The following DOCK1 variants were observed in gnomAD, a reference collection of about 807,000 sequenced individuals.
DOCK1 encodes dedicator of cytokinesis 1.
In DOCK1, 138 loss-of-function variants were observed where a neutral mutation model predicts 262.7. The observed-to-expected ratio is 0.53, with a 90% CI of 0.46 to 0.61. The LOEUF (loss-of-function observed/expected upper bound fraction) is 0.61, where lower values mean the gene tolerates loss of function less well. Among genes scored for constraint, DOCK1 ranks in the 20% least tolerant of loss-of-function variants. The probability of loss-of-function intolerance (pLI) is 0.00; values close to 1 mark genes in which losing one functional copy is unlikely to be tolerated. For synonymous variants in DOCK1, 866 were observed against 867.4 expected (o/e 1.00, Z 0.03); for missense variants, 1,908 against 2,370.7 (o/e 0.80, Z 4.05).
At chr10:127,306,014 G>GT (rs534023263) in intron 29 of DOCK1, among the ~76,000 whole-genome samples, 1,774 of 131,566 alleles carry the variant, frequency 0.013, 17 homozygotes, top group South Asian at 0.053. Flanking sequence ...TTTTTTCCTG[G>GT]TTTTTTTTTT....
chr10:127,077,563 G>T (rs1263436156), intron 23 of DOCK1, among the ~76,000 whole-genome samples: 2 of 152,140 alleles, frequency 1.3e-5, no homozygotes, highest in Non-Finnish European at 2.9e-5. Context: ...GATGGCATGG[G>T]TGGGTGGGAT....
At chr10:127,126,041 T>C (rs2049932944) in intron 26 of DOCK1, among the ~76,000 whole-genome samples, 1 of 151,748 alleles carries the variant, frequency 6.6e-6, no homozygotes, top group Admixed American at 6.6e-5. Context: ...CCTCAGGCTC[T>C]CTTCCCCTAG....
At chr10:127,402,004 T>C (rs1419551638) in intron 38 of DOCK1, among the ~76,000 whole-genome samples, 1 of 152,196 alleles carries the variant, frequency 6.6e-6, no homozygotes, top group Non-Finnish European at 1.5e-5. Context: ...GGACTGGCGC[T>C]ACCGTCTTGT....
chr10:126,999,524 A>C, intron 9 of DOCK1, 89 bp downstream of exon 9: 1 of 1,081,026 alleles, frequency 9.3e-7, no homozygotes, highest in East Asian at 2.4e-5. Flanking sequence ...GCGACACTAG[A>C]ACATGGGTCC....
At chr10:127,271,892 G>A (rs1197279097) in intron 29 of DOCK1, 1 of 150,226 alleles carries the variant, frequency 6.7e-6, no homozygotes, top group Non-Finnish European at 1.5e-5. Context: ...TAAATATGCA[G>A]TGAACAAATA....
intron 35 of DOCK1, among the ~76,000 whole-genome samples, chr10:127,377,716 A>AC (rs1168094400): frequency 2.0e-5 from 3 of 151,968 alleles, no homozygotes; most frequent in South Asian, 4.2e-4. Flanking sequence ...ACATGGTAAA[A>AC]CCCCATCTCT....
At position 127,199,323 on chromosome 10, in the gene DOCK1, C is replaced by G. The variant is rs145682587; in HGVS notation, c.2848-48685C>G. On this transcript the variant is annotated intron_variant, in intron 27 of 51. Coordinates refer to ENST00000623213, the MANE Select transcript of DOCK1 (RefSeq NM_001290223.2). Reference sequence around the variant, plus strand: ...GTACAGAGAATTGCTGGAATTCCACCCCTATGGTATAGTGAGTTTGAGGTC... The same window carrying G: ...GTACAGAGAATTGCTGGAATTCCACGCCTATGGTATAGTGAGTTTGAGGTC... Among the ~76,000 whole-genome samples the G allele has an allele frequency of 4.6e-5, 7 of 152,138 alleles. No homozygotes were observed. The East Asian group carries it at 1.4e-3, about 29-fold the overall frequency.
intron 47 of DOCK1, among the ~76,000 whole-genome samples, chr10:127,426,909 C>A (rs1282405718): frequency 1.3e-5 from 2 of 152,208 alleles, no homozygotes; most frequent in Non-Finnish European, 2.9e-5. Flanking sequence ...TTACAGCCCA[C>A]TTGAGACTGT....
intron 1 of DOCK1, among the ~76,000 whole-genome samples, chr10:126,961,469 A>G (rs2037212303): frequency 8.2e-6 from 1 of 122,288 alleles, no homozygotes; most frequent in South Asian, 3.1e-4. Flanking sequence ...AGCACCCATT[A>G]AACACTAACT....
At chr10:127,245,830 A>G (rs554423477) in intron 27 of DOCK1, among the ~76,000 whole-genome samples, 8 of 152,214 alleles carry the variant, frequency 5.3e-5, no homozygotes, top group Admixed American at 3.3e-4. Flanking sequence ...ACATTGATAC[A>G]TTGCTTCTGG....
At chr10:127,037,624 A>G (rs1044797452) in intron 18 of DOCK1, 95 bp from the exon 19 acceptor site, 1 of 1,124,314 alleles carries the variant, frequency 8.9e-7, no homozygotes, top group Non-Finnish European at 1.3e-6. Flanking sequence ...CTCTGTTCAC[A>G]AAATTTTATA....
intron 27 of DOCK1, chr10:127,138,099 G>A (rs2050861073): frequency 1.6e-6 from 2 of 1,270,922 alleles, no homozygotes; most frequent in Non-Finnish European, 2.2e-6. Context: ...GCAAGATTTG[G>A]GCATGATCAG....
At chr10:127,004,841 T>A (rs1166544711) in intron 10 of DOCK1, among the ~76,000 whole-genome samples, 2 of 136,504 alleles carry the variant, frequency 1.5e-5, no homozygotes, top group African/African-American at 2.7e-5. Flanking sequence ...AACCAGAATC[T>A]CTACTTTAAC....
chr10:127,234,507 A>C (rs982029989), intron 27 of DOCK1, among the ~76,000 whole-genome samples: 1 of 152,176 alleles, frequency 6.6e-6, no homozygotes, highest in African/African-American at 2.4e-5. Context: ...AAATGGCATA[A>C]AAATAGACTT....
At chr10:127,400,832 A>G (rs2067181349) in intron 38 of DOCK1, among the ~76,000 whole-genome samples, 1 of 152,172 alleles carries the variant, frequency 6.6e-6, no homozygotes, top group Non-Finnish European at 1.5e-5. Context: ...GCTTTGGCTA[A>G]GCCAACTTTG....
chr10:127,015,657 C>T (rs974434731), intron 12 of DOCK1, among the ~76,000 whole-genome samples: 2 of 152,162 alleles, frequency 1.3e-5, no homozygotes, highest in Admixed American at 6.5e-5. Context: ...CCCAACTCCC[C>T]GTGGTTCTGC....
Position 126,948,283 on chromosome 10 carries a change from ATGG to A in DOCK1, c.47-22411_47-22409del, listed in dbSNP as rs2035755137. Among the ~76,000 whole-genome samples the A allele has an allele frequency of 5.8e-3, 14 of 2,426 alleles. 1 individual carries two copies. Among genetic ancestry groups the A allele is most frequent in the Admixed American group, 0.011 (2 of 182 alleles). The allele number at this position is 2,426 out of a possible 152,430, so 1.6% of individuals were successfully genotyped here. On this transcript the variant is annotated intron_variant, in intron 1 of 51. Coordinates refer to ENST00000623213, the MANE Select transcript of DOCK1 (RefSeq NM_001290223.2). ...GTTGGTAGTATTACTGTTGGTGGTGATGGTGGTGGTTGGTAGTATTACTGTTGG... is the reference window on the plus strand; with the variant it reads ...GTTGGTAGTATTACTGTTGGTGGTGATGGTGGTTGGTAGTATTACTGTTGG...
intron 1 of DOCK1, among the ~76,000 whole-genome samples, chr10:126,911,191 G>A (rs763396438): frequency 6.6e-5 from 10 of 152,176 alleles, no homozygotes; most frequent in Non-Finnish European, 1.3e-4. Context: ...AGATTTCTCG[G>A]AATCCTTGCC....
chr10:126,990,083 A>G (rs1265464207), intron 5 of DOCK1, among the ~76,000 whole-genome samples: 1 of 152,158 alleles, frequency 6.6e-6, no homozygotes, highest in Non-Finnish European at 1.5e-5. Flanking sequence ...TTAGGCTCAG[A>G]CTAATTCCGG....
Sources: gnomAD v4.1 joint callset for allele counts (sites outside exome capture counted in the v4.1 genomes callset) on GRCh38, gnomAD v4.1.1 for gene constraint, MANE v1.5 for transcripts, NCBI Gene and HGNC (gene_info 2026-07-23, HGNC 2026-07-21) for gene names.